The following RBMS3 variants were observed in gnomAD, a reference collection of about 807,000 sequenced individuals.
The protein encoded by RBMS3 is RNA binding motif single stranded interacting protein 3, also known as RNA-binding motif, single-stranded-interacting protein 3.
In RBMS3, 27 loss-of-function variants were observed where a neutral mutation model predicts 66.8. The observed-to-expected ratio is 0.40, with a 90% confidence interval of 0.30 to 0.56. The LOEUF (loss-of-function observed/expected upper bound fraction) is 0.56. Among genes scored for constraint, RBMS3 ranks in the 20% least tolerant of loss-of-function variants. The pLI is 0.40. For synonymous variants in RBMS3, 188 were observed against 183.0 expected (o/e 1.03, Z -0.22); for missense variants, 513 against 549.5 (o/e 0.93, Z 0.66).
chr3:29,983,884 G>A (rs1476855773), intron 12 of RBMS3, among the ~76,000 whole-genome samples: 1 of 152,060 alleles, frequency 6.6e-6, no homozygotes, highest in Non-Finnish European at 1.5e-5. Context: ...TGATGAATAT[G>A]TGTCTTGGGG....
intron 1 of RBMS3, among the ~76,000 whole-genome samples, chr3:29,289,916 T>C (rs966029075): frequency 6.6e-6 from 1 of 151,918 alleles, no homozygotes; most frequent in Admixed American, 6.6e-5. Flanking sequence ...TCAAGCTGAA[T>C]ATAGATCATG....
chr3:29,493,893 A>C (rs2043642333), intron 3 of RBMS3, among the ~76,000 whole-genome samples: 1 of 152,172 alleles, frequency 6.6e-6, no homozygotes, highest in South Asian at 2.1e-4. Context: ...TGCCTTTTTC[A>C]AACAAAATCA....
chr3:29,785,350 G>C (rs1233632466), intron 6 of RBMS3, among the ~76,000 whole-genome samples: 1 of 152,056 alleles, frequency 6.6e-6, no homozygotes, highest in African/African-American at 2.4e-5. Flanking sequence ...AGGGATGTAA[G>C]GATGGTTTAA....
At chr3:29,610,585 C>A (rs931655099) in intron 4 of RBMS3, among the ~76,000 whole-genome samples, 1 of 152,026 alleles carries the variant, frequency 6.6e-6, no homozygotes, top group Non-Finnish European at 1.5e-5. Context: ...TGACTCTTTC[C>A]TTCTGATCTC....
At chr3:29,840,186 C>T (rs1207747029) in intron 6 of RBMS3, among the ~76,000 whole-genome samples, 2 of 151,870 alleles carry the variant, frequency 1.3e-5, no homozygotes, top group East Asian at 3.9e-4. Context: ...GTTCTCAGGT[C>T]TCCTTTACAC....
chr3:29,312,331 CT>C (rs374943775), intron 1 of RBMS3, among the ~76,000 whole-genome samples: 98 of 151,758 alleles, frequency 6.5e-4, no homozygotes, highest in African/African-American at 2.2e-3. Flanking sequence ...TATGAATGTG[CT>C]TTTTGAAGAA....
intron 14 of RBMS3, among the ~76,000 whole-genome samples, chr3:29,994,104 T>C (rs1699060110): frequency 6.6e-6 from 1 of 152,192 alleles, no homozygotes; most frequent in Non-Finnish European, 1.5e-5. Context: ...GGGCGAGGCA[T>C]TGCCTCACTT....
intron 6 of RBMS3, among the ~76,000 whole-genome samples, chr3:29,810,925 T>G (rs560411817): frequency 6.6e-6 from 1 of 152,262 alleles, no homozygotes; most frequent in African/African-American, 2.4e-5. Flanking sequence ...AGCCTATTAC[T>G]TACTTTTGAT....
At chr3:29,401,980 T>C (rs554159041) in intron 1 of RBMS3, among the ~76,000 whole-genome samples, 22 of 152,046 alleles carry the variant, frequency 1.4e-4, no homozygotes, top group African/African-American at 5.3e-4. Flanking sequence ...TCAAGAATGT[T>C]AGTGAAGCTG....
chr3:29,639,175 C>T (rs1054763508), intron 4 of RBMS3, among the ~76,000 whole-genome samples: 2 of 151,656 alleles, frequency 1.3e-5, no homozygotes, highest in South Asian at 2.1e-4. Flanking sequence ...AATTTCCAAG[C>T]GATTTAACTT....
chr3:29,830,949 A>G lies in RBMS3; in HGVS notation c.638-37909A>G, dbSNP rs560110021. Among the ~76,000 whole-genome samples the G allele has an allele frequency of 2.0e-5, 3 of 152,274 alleles. No homozygotes were observed. The South Asian group carries it at 6.2e-4, about 32-fold the overall frequency. ...TCCAGATTTCTGTGTCCTTCCTTAA[A>G]GAAGGGATATACAGAGGTGCTAAGT... On this transcript the variant is annotated intron_variant, in intron 6 of 14. Transcript: ENST00000383767.
intron 6 of RBMS3, among the ~76,000 whole-genome samples, chr3:29,825,251 G>A (rs899199389): frequency 5.9e-5 from 9 of 151,860 alleles, no homozygotes; most frequent in African/African-American, 1.2e-4. Context: ...TGGCCAGACC[G>A]GTCTTGAACT....
At chr3:29,634,724 C>A (rs1205865862) in intron 4 of RBMS3, among the ~76,000 whole-genome samples, 1 of 151,802 alleles carries the variant, frequency 6.6e-6, no homozygotes, top group Non-Finnish European at 1.5e-5. Flanking sequence ...AAATCCTTAT[C>A]TCAGGGTCTG....
In RBMS3 at chr3:29,639,192, T is replaced by C. The variant is rs112858839; in HGVS notation, c.399+51987T>C. 1.1e-4 allele frequency among the ~76,000 whole-genome samples: 16 copies of C among 151,954 alleles called. 1 individual carries two copies. The highest frequency in any genetic ancestry group is 3.9e-4 in the African/African-American group (16 of 41,518). On this transcript the variant is annotated intron_variant, in intron 4 of 14. Coordinates refer to ENST00000383767, the MANE Select transcript of RBMS3 (RefSeq NM_001003793.3). Reference sequence around the variant, plus strand: ...TTTCCAAGCGATTTAACTTAATCTCTTTCTGAAAGTTTCCAGAAATTAATA... The same window carrying C: ...TTTCCAAGCGATTTAACTTAATCTCCTTCTGAAAGTTTCCAGAAATTAATA...
At chr3:29,362,925 A>G (rs1436769964) in intron 1 of RBMS3, among the ~76,000 whole-genome samples, 1 of 152,206 alleles carries the variant, frequency 6.6e-6, no homozygotes, top group Non-Finnish European at 1.5e-5. Flanking sequence ...TTATCTATCT[A>G]TCTATGATCT....
At chr3:29,623,104 C>CAA (rs397875682) in intron 4 of RBMS3, among the ~76,000 whole-genome samples, 5,229 of 83,638 alleles carry the variant, frequency 0.063, 296 homozygotes, top group East Asian at 0.37. Flanking sequence ...GACTCCCTCT[C>CAA]AAAAAAAAAA....
intron 1 of RBMS3, among the ~76,000 whole-genome samples, chr3:29,433,771 A>G (rs1052057231): frequency 6.6e-6 from 1 of 152,244 alleles, no homozygotes; most frequent in Non-Finnish European, 1.5e-5. Context: ...GAATTCTGGT[A>G]TGTATAATTT....
intron 7 of RBMS3, among the ~76,000 whole-genome samples, chr3:29,876,560 A>C (rs2059615008): frequency 6.6e-6 from 1 of 152,222 alleles, no homozygotes; most frequent in Non-Finnish European, 1.5e-5. Flanking sequence ...TGGGAGACAC[A>C]CATGGCAAAG....
chr3:29,760,894 T>A (rs1379526480), intron 5 of RBMS3, among the ~76,000 whole-genome samples: 1 of 151,934 alleles, frequency 6.6e-6, no homozygotes, highest in African/African-American at 2.4e-5. Context: ...GCATAAAGAG[T>A]TTTCTTTTTA....
Sources: gnomAD v4.1 joint callset for allele counts (sites outside exome capture counted in the v4.1 genomes callset) on GRCh38, gnomAD v4.1.1 for gene constraint, MANE v1.5 for transcripts, NCBI Gene and HGNC (gene_info 2026-07-23, HGNC 2026-07-21) for gene names.